CALU: variants seen among roughly 807,000 people sequenced by gnomAD.
CALU encodes the protein IEF SSP 9302.
In CALU, 13 loss-of-function variants were observed where a neutral mutation model predicts 37.5. That is an observed-to-expected ratio of 0.35 (90% CI 0.23 to 0.55). CALU has a LOEUF of 0.55. Ranked by LOEUF, CALU falls within the 20% of genes least tolerant of loss-of-function variation. The probability of loss-of-function intolerance (pLI) is 0.89; values close to 1 mark genes in which losing one functional copy is unlikely to be tolerated. For synonymous variants in CALU, 114 were observed against 133.8 expected (o/e 0.85, Z 1.02); for missense variants, 282 against 391.7 (o/e 0.72, Z 2.36).
At chr7:128,768,781 A>T (rs984238291) in intron 6 of CALU, among the ~76,000 whole-genome samples, 7 of 138,064 alleles carry the variant, frequency 5.1e-5, no homozygotes, top group Non-Finnish European at 9.2e-5. Flanking sequence ...CGGGAGGCGG[A>T]GGTTGCGGTG....
At chr7:128,755,077 G>A (rs1800820817) in intron 3 of CALU, among the ~76,000 whole-genome samples, 1 of 151,396 alleles carries the variant, frequency 6.6e-6, no homozygotes, top group Non-Finnish European at 1.5e-5. Context: ...TGCTGAGGCA[G>A]GAGGATTGCC....
intron 5 of CALU, among the ~76,000 whole-genome samples, chr7:128,766,223 A>G (rs1377424274): frequency 2.6e-5 from 4 of 152,048 alleles, no homozygotes; most frequent in East Asian, 3.9e-4. Flanking sequence ...CAGCCTCCCA[A>G]AGTGCTGGGA....
intron 1 of CALU, among the ~76,000 whole-genome samples, chr7:128,742,593 G>A (rs1240206634): frequency 6.6e-6 from 1 of 152,128 alleles, no homozygotes; most frequent in Non-Finnish European, 1.5e-5. Context: ...TGTATTGCTC[G>A]CAATACTGGT....
rs1801618648 is a variant in CALU at position 128,772,403 on chromosome 7, T to C, written c.*3236T>C. On this transcript the variant is annotated 3_prime_UTR_variant, in exon 7 of 7. Coordinates refer to ENST00000249364, the MANE Select transcript of CALU (RefSeq NM_001219.5). ...AGGCAATAGTAAGAAAATGAAAAAT[T>C]GACTCCCCAAACTGCCATCACTCCT... 39 of 1,046,702 alleles carry C rather than the reference T, an allele frequency of 3.7e-5. No homozygotes were observed. In the South Asian group the frequency reaches 4.8e-4, roughly 13 times the overall value. The allele number at this position is 1,046,702 out of a possible 1,614,324, so 64.8% of individuals were successfully genotyped here. A position where few individuals can be genotyped will look rare whatever the true frequency, so the allele number is the denominator to read the frequency against.
chr7:128,749,021 A>G (rs1465936671), intron 2 of CALU, among the ~76,000 whole-genome samples: 1 of 152,242 alleles, frequency 6.6e-6, no homozygotes, highest in Admixed American at 6.5e-5. Flanking sequence ...TCTACAAAGC[A>G]TCATTTTTGC....
At position 128,771,467 on chromosome 7, in the gene CALU, T is replaced by C. The variant is rs1032208995; in HGVS notation, c.*2300T>C. ...CTATCTGTTTCTAAATAAAACTGTT[T>C]ACATTCATTATGGGGTATGTATGAC... On this transcript the variant is annotated 3_prime_UTR_variant, in exon 7 of 7. Coordinates refer to ENST00000249364, the MANE Select transcript of CALU (RefSeq NM_001219.5). 2.6e-5 allele frequency: 4 copies of C among 152,776 alleles called. No homozygotes were observed. The highest frequency in any genetic ancestry group is 5.9e-5 in the Non-Finnish European group (4 of 68,024). The allele number at this position is 152,776 out of a possible 1,614,324, so 9.5% of individuals were successfully genotyped here. A position where few individuals can be genotyped will look rare whatever the true frequency, so the allele number is the denominator to read the frequency against.
intron 2 of CALU, among the ~76,000 whole-genome samples, chr7:128,753,495 T>G (rs1800754448): frequency 6.6e-6 from 1 of 152,264 alleles, no homozygotes; most frequent in Non-Finnish European, 1.5e-5. Flanking sequence ...TCTTTAGCTT[T>G]GTGGTTTTGC....
chr7:128,753,981 G>C (rs989777274), intron 2 of CALU, among the ~76,000 whole-genome samples: 1 of 152,182 alleles, frequency 6.6e-6, no homozygotes, highest in African/African-American at 2.4e-5. Context: ...GATAGGAATG[G>C]ATATTCACTC....
At chr7:128,753,548 TATAATC>T (rs1251031544) in intron 2 of CALU, among the ~76,000 whole-genome samples, 1 of 152,274 alleles carries the variant, frequency 6.6e-6, no homozygotes, top group African/African-American at 2.4e-5. Flanking sequence ...TTAACATTCT[TATAATC>T]AGATATACAT....
chr7:128,763,706 T>C (rs996028982), intron 5 of CALU, among the ~76,000 whole-genome samples: 2 of 152,186 alleles, frequency 1.3e-5, no homozygotes, highest in African/African-American at 4.8e-5. Flanking sequence ...ATCCTGTGAG[T>C]AAGTCTTCTT....
intron 5 of CALU, 141 bp downstream of exon 5, chr7:128,759,993 C>A (rs1169842816): frequency 1.1e-5 from 6 of 553,680 alleles, no homozygotes; most frequent in African/African-American, 1.9e-5. Flanking sequence ...GTCAGGAGTC[C>A]AAGTCCAGCC....
In CALU at chr7:128,768,986, ATTC is replaced by A. The variant is rs939449104; in HGVS notation, c.844-72_844-70del. The A allele has an allele frequency of 1.7e-5, 14 of 812,860 alleles. No individual in the cohort carries two copies. In the African/African-American group the frequency reaches 2.2e-4, roughly 13 times the overall value. The allele number at this position is 812,860 out of a possible 1,614,324, so 50.4% of individuals were successfully genotyped here. On this transcript the variant is annotated intron_variant, in intron 6 of 6. Coordinates refer to ENST00000249364, the MANE Select transcript of CALU (RefSeq NM_001219.5). The stretch of plus-strand genomic sequence containing the variant: ...GAATCTTAACTTCTGATTAACCCCA[ATTC>A]TTCTATAACAGTGTTTCTGAATTTT...
intron 5 of CALU, among the ~76,000 whole-genome samples, chr7:128,764,504 A>G (rs1198750772): frequency 1.3e-5 from 2 of 152,222 alleles, no homozygotes; most frequent in Admixed American, 6.5e-5. Flanking sequence ...TATAAAATTT[A>G]AATACAAGAT....
In CALU at chr7:128,770,070, C is replaced by T. The variant is rs1801500880; in HGVS notation, c.*903C>T. The T allele has an allele frequency of 6.6e-6, 1 of 152,584 alleles. No homozygotes were observed. Among genetic ancestry groups the T allele is most frequent in the Non-Finnish European group, 1.5e-5 (1 of 68,036 alleles). The allele number at this position is 152,584 out of a possible 1,614,324, so 9.5% of individuals were successfully genotyped here. On this transcript the variant is annotated 3_prime_UTR_variant, in exon 7 of 7. Coordinates refer to ENST00000249364, the MANE Select transcript of CALU (RefSeq NM_001219.5). Reference sequence around the variant, plus strand: ...ATGCCCCCATCCGGTTCCTCTTCTTCCCAGGTGTGCCAAGGAATTAATCTT... The same window carrying T: ...ATGCCCCCATCCGGTTCCTCTTCTTTCCAGGTGTGCCAAGGAATTAATCTT...
intron 1 of CALU, among the ~76,000 whole-genome samples, chr7:128,746,657 AC>A (rs1800452446): frequency 6.6e-6 from 1 of 150,566 alleles, no homozygotes; most frequent in African/African-American, 2.5e-5. Flanking sequence ...TTTCGCTATC[AC>A]CCAGGCTTGT....
intron 5 of CALU, among the ~76,000 whole-genome samples, chr7:128,760,923 A>C (rs6946656): frequency 0.059 from 8,968 of 152,104 alleles, 874 homozygotes; most frequent in African/African-American, 0.2. Context: ...AACAAACAAA[A>C]AAAAGAGTTG....
chr7:128,751,532 G>T (rs942040661), intron 2 of CALU, among the ~76,000 whole-genome samples: 2 of 151,888 alleles, frequency 1.3e-5, no homozygotes, highest in Non-Finnish European at 2.9e-5. Context: ...TTCGAGACCA[G>T]CCTGGGCAAT....
chr7:128,748,264 G>A, intron 1 of CALU: 2 of 866,010 alleles, frequency 2.3e-6, no homozygotes, highest in Non-Finnish European at 1.8e-6. Context: ...ATGAACTTGG[G>A]CAAAAGGATT....
At chr7:128,759,454 G>C (rs1409311435) in intron 4 of CALU, among the ~76,000 whole-genome samples, 1 of 152,080 alleles carries the variant, frequency 6.6e-6, no homozygotes, top group African/African-American at 2.4e-5. Flanking sequence ...CATAATCACT[G>C]GTCACATCTC....
Sources: gnomAD v4.1 joint callset for allele counts (sites outside exome capture counted in the v4.1 genomes callset) on GRCh38, gnomAD v4.1.1 for gene constraint, MANE v1.5 for transcripts, NCBI Gene and HGNC (gene_info 2026-07-23, HGNC 2026-07-21) for gene names.